NELL2: variants seen among roughly 807,000 people sequenced by gnomAD.
NELL2 encodes the protein neural EGFL like 2.
Under a neutral mutation model 109.6 loss-of-function variants are expected in NELL2, and 41 were observed. The observed-to-expected ratio is 0.37, with a 90% CI of 0.29 to 0.49. NELL2 has a LOEUF of 0.49. NELL2 is among the 20% of genes least tolerant of loss of function. The probability of loss-of-function intolerance (pLI) is 0.98; values close to 1 mark genes in which losing one functional copy is unlikely to be tolerated. For synonymous variants in NELL2, 355 were observed against 344.7 expected, an observed-to-expected ratio of 1.03 and a Z score of -0.33; for missense variants, 900 against 1,008.3, an observed-to-expected ratio of 0.89 and a Z score of 1.45.
rs1374531915 is a variant in NELL2, at chr12:44,654,963, G to A, written c.1444+10521C>T. 3.3e-5 allele frequency among the ~76,000 whole-genome samples: 5 copies of A among 152,130 alleles called. No homozygotes were observed. In the South Asian group the frequency reaches 8.3e-4, roughly 25 times the overall value. On this transcript the variant is annotated intron_variant, in intron 13 of 19. Transcript: ENST00000429094. ...CCAACAATCAAGAAAGGAAATGAAAGGCATCTGTTGAGCTTCAAATTCAGC... is the reference window on the plus strand; with the variant it reads ...CCAACAATCAAGAAAGGAAATGAAAAGCATCTGTTGAGCTTCAAATTCAGC...
chr12:44,757,780 A>G (rs1296223896), intron 9 of NELL2, among the ~76,000 whole-genome samples: 1 of 152,172 alleles, frequency 6.6e-6, no homozygotes, highest in Non-Finnish European at 1.5e-5. Flanking sequence ...TATTTTTATA[A>G]TAGTGAAACC....
At position 44,649,410 on chromosome 12, in the gene NELL2, C is replaced by T. The variant is rs571222552; in HGVS notation, c.1444+16074G>A. Reference sequence around the variant, plus strand: ...AACCTGCTGCCACTTGGCAAATCCACGGTCTTGCAACATAAATTAATACAA... The same window carrying T: ...AACCTGCTGCCACTTGGCAAATCCATGGTCTTGCAACATAAATTAATACAA... On this transcript the variant is annotated intron_variant, in intron 13 of 19. Transcript: ENST00000429094. Among the ~76,000 whole-genome samples the T allele has an allele frequency of 4.6e-5, 7 of 152,292 alleles. No homozygotes were observed. In the South Asian group the frequency reaches 8.3e-4, roughly 18 times the overall value.
chr12:44,860,491 T>C (rs1398593533), intron 2 of NELL2, among the ~76,000 whole-genome samples: 1 of 152,208 alleles, frequency 6.6e-6, no homozygotes, highest in Non-Finnish European at 1.5e-5. Context: ...ATGTTCCTTC[T>C]GGAGGCTCTA....
At chr12:44,788,941 C>T (rs1199225742) in intron 3 of NELL2, among the ~76,000 whole-genome samples, 1 of 152,004 alleles carries the variant, frequency 6.6e-6, no homozygotes, top group Non-Finnish European at 1.5e-5. Context: ...AGCCATAATC[C>T]TCCTAGGTTC....
Position 44,587,307 on chromosome 12 carries a change from A to ATATATTT in NELL2, c.1663+19861_1663+19862insAAATATA, listed in dbSNP as rs1302978950. Among the ~76,000 whole-genome samples the ATATATTT allele has an allele frequency of 2.4e-3, 235 of 96,638 alleles. 2 individuals are homozygous for ATATATTT. The highest frequency in any genetic ancestry group is 9.5e-3 in the African/African-American group (228 of 23,988). The allele number at this position is 96,638 out of a possible 152,430, so 63.4% of individuals were successfully genotyped here. On this transcript the variant is annotated intron_variant, in intron 15 of 19. Coordinates refer to ENST00000429094, the MANE Select transcript of NELL2 (RefSeq NM_001145108.2). ...AAAATATATATATATATATATATATATTTTTTTTTAAATATGAAGTTATAT... is the reference window on the plus strand; with the variant it reads ...AAAATATATATATATATATATATATATATATTTTTTTTTTTTAAATATGAAGTTATAT...
chr12:44,742,090 C>T lies in NELL2; in HGVS notation c.995-27349G>A, dbSNP rs756343946. ...GGGGTGGACTGACACCTCACACAGC[C>T]GGGTACTCCTCCGAGACAAAACTTC... On this transcript the variant is annotated intron_variant, in intron 9 of 19. Coordinates refer to ENST00000429094, the MANE Select transcript of NELL2 (RefSeq NM_001145108.2). Among the ~76,000 whole-genome samples the T allele has an allele frequency of 9.9e-5, 15 of 152,254 alleles. 1 individual carries two copies. The East Asian group carries it at 1.2e-3, about 12-fold the overall frequency.
chr12:44,862,165 CTT>C (rs945847228), intron 2 of NELL2, among the ~76,000 whole-genome samples: 3 of 152,204 alleles, frequency 2.0e-5, no homozygotes, highest in African/African-American at 7.2e-5. Context: ...AAGTTTAACT[CTT>C]TTCCCATTTG....
chr12:44,674,760 A>T (rs1423914354), intron 12 of NELL2, among the ~76,000 whole-genome samples: 1 of 152,178 alleles, frequency 6.6e-6, no homozygotes, highest in African/African-American at 2.4e-5. Context: ...CATTCAAGGT[A>T]AGAAGACCTT....
At chr12:44,886,102 AG>A (rs1945469127) in intron 1 of NELL2, among the ~76,000 whole-genome samples, 1 of 131,832 alleles carries the variant, frequency 7.6e-6, no homozygotes, top group Non-Finnish European at 1.6e-5. Context: ...GAAGGAAGGA[AG>A]GAAGGAAGGA....
chr12:44,642,162 G>A (rs1690829575), intron 13 of NELL2, among the ~76,000 whole-genome samples: 2 of 152,098 alleles, frequency 1.3e-5, no homozygotes, highest in African/African-American at 4.8e-5. Flanking sequence ...GGATACATGT[G>A]AGCAGGTGCA....
intron 2 of NELL2, among the ~76,000 whole-genome samples, chr12:44,874,575 G>T (rs1033963433): frequency 2.0e-5 from 3 of 152,122 alleles, no homozygotes; most frequent in African/African-American, 7.2e-5. Flanking sequence ...TTGTAAAATC[G>T]TAAGTACACA....
intron 19 of NELL2, among the ~76,000 whole-genome samples, chr12:44,514,618 T>C (rs778165964): frequency 1.3e-5 from 2 of 151,614 alleles, no homozygotes; most frequent in South Asian, 2.1e-4. Flanking sequence ...ATAGTATATA[T>C]AGTGTTTAAT....
At chr12:44,691,699 T>C (rs1308597410) in intron 12 of NELL2, among the ~76,000 whole-genome samples, 1 of 152,178 alleles carries the variant, frequency 6.6e-6, no homozygotes, top group Non-Finnish European at 1.5e-5. Context: ...ACATGAATTA[T>C]AGAAAGTGAA....
At chr12:44,579,469 C>G (rs1255291730) in intron 15 of NELL2, among the ~76,000 whole-genome samples, 1 of 152,166 alleles carries the variant, frequency 6.6e-6, no homozygotes, top group East Asian at 1.9e-4. Context: ...TTACATCTGT[C>G]CATTAAGAAC....
At chr12:44,579,093 C>T (rs1944227128) in intron 15 of NELL2, among the ~76,000 whole-genome samples, 1 of 152,112 alleles carries the variant, frequency 6.6e-6, no homozygotes, top group South Asian at 2.1e-4. Flanking sequence ...AGATTTTAAG[C>T]CACCTTTTGA....
At chr12:44,907,607 TAA>T (rs1488935823) in intron 1 of NELL2, among the ~76,000 whole-genome samples, 1 of 151,962 alleles carries the variant, frequency 6.6e-6, no homozygotes, top group Non-Finnish European at 1.5e-5. Flanking sequence ...TTAGAGACAG[TAA>T]AGTAGGAAAA....
At chr12:44,584,603 T>C (rs938924945) in intron 15 of NELL2, among the ~76,000 whole-genome samples, 1 of 152,252 alleles carries the variant, frequency 6.6e-6, no homozygotes, top group Non-Finnish European at 1.5e-5. Context: ...ACTGATTCCA[T>C]TTCTAGTCCC....
At chr12:44,647,873 A>G (rs761476960) in intron 13 of NELL2, among the ~76,000 whole-genome samples, 2 of 152,216 alleles carry the variant, frequency 1.3e-5, no homozygotes, top group Non-Finnish European at 2.9e-5. Flanking sequence ...CTAGTAAAAT[A>G]AAGGTAGAAA....
upstream of NELL2, chr12:44,877,013 G>T: frequency 2.0e-6 from 1 of 494,592 alleles, no homozygotes; most frequent in Non-Finnish European, 2.9e-6. Context: ...TCCGGAACCC[G>T]CGCGCCCCCT....
Sources: gnomAD v4.1 joint callset for allele counts (sites outside exome capture counted in the v4.1 genomes callset) on GRCh38, gnomAD v4.1.1 for gene constraint, MANE v1.5 for transcripts, NCBI Gene and HGNC (gene_info 2026-07-23, HGNC 2026-07-21) for gene names.